The following PHF2 variants were observed in gnomAD, a reference collection of about 807,000 sequenced individuals.
The protein encoded by PHF2 is PHD finger protein 2.
Under a neutral mutation model 120.5 loss-of-function variants are expected in PHF2, and 27 were observed. That is an observed-to-expected ratio of 0.22 (90% CI 0.17 to 0.31). The LOEUF (loss-of-function observed/expected upper bound fraction) is 0.31, where lower values mean the gene tolerates loss of function less well. Among genes scored for constraint, PHF2 ranks in the 10% least tolerant of loss-of-function variants. The probability of loss-of-function intolerance (pLI) is 1.00; values close to 1 mark genes in which losing one functional copy is unlikely to be tolerated. For synonymous variants in PHF2, 568 were observed against 592.5 expected, an observed-to-expected ratio of 0.96 and a Z score of 0.60; for missense variants, 1,024 against 1,434.8, an observed-to-expected ratio of 0.71 and a Z score of 4.63.
intron 1 of PHF2, among the ~76,000 whole-genome samples, chr9:93,601,168 A>C (rs1408137647): frequency 2.0e-5 from 3 of 152,210 alleles, no homozygotes; most frequent in African/African-American, 7.2e-5. Context: ...ATTTGTGTTC[A>C]AGAGTGTACA....
chr9:93,667,290 A>AG, intron 17 of PHF2, 50 bp downstream of exon 17: 1 of 1,575,942 alleles, frequency 6.3e-7, no homozygotes, highest in Non-Finnish European at 8.6e-7. Flanking sequence ...AGGCAGGCCC[A>AG]GGGCTGGCCC....
chr9:93,620,858 T>C (rs957623366), intron 1 of PHF2, among the ~76,000 whole-genome samples: 3 of 152,262 alleles, frequency 2.0e-5, no homozygotes, highest in African/African-American at 7.2e-5. Context: ...TAGAAAGCCC[T>C]AATTCTGGTA....
At chr9:93,585,323 C>T (rs1863019370) in intron 1 of PHF2, among the ~76,000 whole-genome samples, 1 of 152,214 alleles carries the variant, frequency 6.6e-6, no homozygotes, top group Non-Finnish European at 1.5e-5. Flanking sequence ...TCTCCTTTCC[C>T]TGACCGCCAT....
At chr9:93,577,352 C>T (rs1354725011) in intron 1 of PHF2, among the ~76,000 whole-genome samples, 6 of 151,894 alleles carry the variant, frequency 4.0e-5, no homozygotes, top group African/African-American at 1.4e-4. Context: ...GGCGCGGGTC[C>T]CGGGAGAGGC....
intron 1 of PHF2, among the ~76,000 whole-genome samples, chr9:93,627,889 C>T (rs984847264): frequency 6.6e-6 from 1 of 152,158 alleles, no homozygotes; most frequent in African/African-American, 2.4e-5. Context: ...GAGAAAGAGC[C>T]AGGTGAGCCC....
rs764439040 is a variant in PHF2, at chr9:93,666,029, C to T, written c.2156C>T (p.Thr719Met). The T allele has an allele frequency of 1.7e-5, 28 of 1,613,186 alleles. No individual in the cohort carries two copies. The highest frequency in any genetic ancestry group is 6.7e-5 in the Admixed American group (4 of 59,990). ...DKKAVLPTPV[T>M]KPKLDSAAYK... The stretch of plus-strand genomic sequence containing the variant: ...AAGGCTGTGCTGCCCACGCCTGTCA[C>T]GAAGCCAAAGCTGGACTCGGCAGCG... Residue 719 changes from threonine (T) to methionine (M), a missense_variant, in exon 16 of 22, where the codon ACG (threonine) becomes ATG (methionine). Physicochemically the swap from Thr to Met is moderately conservative, Grantham distance 81 (BLOSUM62 -1). Around this residue, in one of 2 missense-constraint regions of PHF2, gnomAD observed 677 missense variants for 857.4 expected, o/e 0.79. Coordinates refer to ENST00000359246, the MANE Select transcript of PHF2 (RefSeq NM_005392.4).
rs1826931841 is a variant in PHF2 at position 93,677,085 on chromosome 9, G to A, written c.3202+122G>A. ...CACATTGGGAGGGCTCCTGGGCCTT[G>A]GGTGGCAGGGTGCTGTGGTCCAAGT... is the stretch of plus-strand genomic sequence containing the variant. On this transcript the variant is annotated intron_variant, in intron 21 of 21. Coordinates refer to ENST00000359246, the MANE Select transcript of PHF2 (RefSeq NM_005392.4). The surrounding 1 kb of genome is among the most constrained non-coding windows in gnomAD (Gnocchi z 4.4). The A allele has an allele frequency of 9.4e-7, 1 of 1,068,660 alleles. No homozygotes were observed. Among genetic ancestry groups the A allele is most frequent in the Admixed American group, 3.0e-5 (1 of 33,298 alleles). The allele number at this position is 1,068,660 out of a possible 1,614,324, so 66.2% of individuals were successfully genotyped here.
chr9:93,589,625 T>C (rs1432383947), intron 1 of PHF2, among the ~76,000 whole-genome samples: 3 of 152,250 alleles, frequency 2.0e-5, no homozygotes, highest in South Asian at 4.1e-4. Context: ...TATTTATTTA[T>C]TTTGATAAGG....
At chr9:93,588,099 A>T (rs907271887) in intron 1 of PHF2, among the ~76,000 whole-genome samples, 1 of 152,146 alleles carries the variant, frequency 6.6e-6, no homozygotes, top group African/African-American at 2.4e-5. Flanking sequence ...CTGGGCGGCC[A>T]CTGCACATCT....
intron 1 of PHF2, 65 bp from the exon 2 acceptor site, chr9:93,629,905 G>T: frequency 6.7e-7 from 1 of 1,494,308 alleles, no homozygotes; most frequent in Non-Finnish European, 9.3e-7. Flanking sequence ...CTAGAGCTTC[G>T]CAGATGGAAA....
chr9:93,584,241 A>T (rs768827537), intron 1 of PHF2, among the ~76,000 whole-genome samples: 1 of 152,136 alleles, frequency 6.6e-6, no homozygotes, highest in African/African-American at 2.4e-5. Flanking sequence ...TTTAACTTTG[A>T]TAAAGTCTGG....
chr9:93,592,465 C>A (rs1270689571), intron 1 of PHF2, among the ~76,000 whole-genome samples: 2 of 152,196 alleles, frequency 1.3e-5, no homozygotes, highest in Non-Finnish European at 2.9e-5. Context: ...CAACACTTGG[C>A]AACCTGTAAG....
At chr9:93,637,541 A>G (rs1175213850) in intron 3 of PHF2, among the ~76,000 whole-genome samples, 1 of 152,216 alleles carries the variant, frequency 6.6e-6, no homozygotes, top group South Asian at 2.1e-4. Flanking sequence ...ATATAAATGG[A>G]GTTCTACAAC....
chr9:93,638,895 G>T (rs12341126), intron 3 of PHF2, among the ~76,000 whole-genome samples: 21,393 of 151,976 alleles, frequency 0.14, 1,577 homozygotes, highest in Non-Finnish European at 0.17. Context: ...ATTTTTTGTA[G>T]TTTTAGTAGA....
chr9:93,668,790 G>C (rs545658153), intron 17 of PHF2, among the ~76,000 whole-genome samples: 1 of 152,342 alleles, frequency 6.6e-6, no homozygotes, highest in Non-Finnish European at 1.5e-5. Flanking sequence ...GGAGCAGTGT[G>C]CACGTGCACA....
At chr9:93,637,593 G>A (rs113231739) in intron 3 of PHF2, among the ~76,000 whole-genome samples, 19 of 152,314 alleles carry the variant, frequency 1.2e-4, no homozygotes, top group South Asian at 4.1e-4. Flanking sequence ...TTCAAGGGTC[G>A]TCTGTGCTGT....
chr9:93,621,089 G>A (rs1172023742), intron 1 of PHF2, among the ~76,000 whole-genome samples: 6 of 152,238 alleles, frequency 3.9e-5, no homozygotes, highest in Non-Finnish European at 5.9e-5. Context: ...GGTGGCACAG[G>A]CAGCAGGGGT....
At chr9:93,603,223 T>G (rs772343607) in intron 1 of PHF2, among the ~76,000 whole-genome samples, 8 of 152,158 alleles carry the variant, frequency 5.3e-5, no homozygotes, top group Non-Finnish European at 1.0e-4. Flanking sequence ...AAACACTTGC[T>G]TTCTATGATC....
chr9:93,667,985 C>G (rs1349875457), intron 17 of PHF2, among the ~76,000 whole-genome samples: 1 of 152,170 alleles, frequency 6.6e-6, no homozygotes, highest in Non-Finnish European at 1.5e-5. Context: ...GCTAGCTGCT[C>G]CACACAGCCC....
Sources: allele counts gnomAD v4.1 joint callset (sites outside exome capture counted in the v4.1 genomes callset), GRCh38; gene constraint gnomAD v4.1.1; regional missense constraint gnomAD v4.1.1; non-coding constraint Gnocchi (gnomAD v3.1); transcripts MANE v1.5; gene names NCBI Gene and HGNC (gene_info 2026-07-23, HGNC 2026-07-21).